RPS6KC1: variants seen among roughly 807,000 people sequenced by gnomAD.
RPS6KC1 encodes the protein inactive ribosomal protein S6 kinase delta-1.
RPS6KC1 carries 54 observed loss-of-function variants against 103.8 expected under a neutral mutation model. That is an observed-to-expected ratio of 0.52 (90% confidence interval 0.42 to 0.65). The LOEUF (loss-of-function observed/expected upper bound fraction) is 0.65. Among genes scored for constraint, RPS6KC1 ranks in the 30% least tolerant of loss-of-function variants. The pLI is 0.00. For missense variants in RPS6KC1, 1,151 were observed against 1,253.8 expected, an observed-to-expected ratio of 0.92 and a Z score of 1.24; for synonymous variants, 439 against 438.7, an observed-to-expected ratio of 1.00 and a Z score of -0.01.
intron 8 of RPS6KC1, among the ~76,000 whole-genome samples, chr1:213,224,887 G>T (rs1272868294): frequency 6.6e-6 from 1 of 152,172 alleles, no homozygotes; most frequent in Non-Finnish European, 1.5e-5. Flanking sequence ...ATTAAGAAAT[G>T]ACTTTAAATG....
chr1:213,407,949 C>T, the RPS6KC1 span, among the ~76,000 whole-genome samples: 1 of 152,150 alleles, frequency 6.6e-6, no homozygotes, highest in Non-Finnish European at 1.5e-5. Flanking sequence ...TACAGCCTGA[C>T]ACATAATAGA....
At chr1:213,715,259 G>T in the RPS6KC1 span, among the ~76,000 whole-genome samples, 1 of 152,148 alleles carries the variant, frequency 6.6e-6, no homozygotes, top group Non-Finnish European at 1.5e-5. Context: ...TTATAAGGAT[G>T]GCAAATCTCT....
chr1:213,739,688 T>C, the RPS6KC1 span, among the ~76,000 whole-genome samples: 1 of 152,142 alleles, frequency 6.6e-6, no homozygotes, highest in African/African-American at 2.4e-5. Flanking sequence ...CACTTCTTAC[T>C]CAGAAGCACT....
intron 3 of RPS6KC1, among the ~76,000 whole-genome samples, chr1:213,081,396 C>T (rs899075231): frequency 9.9e-5 from 15 of 152,062 alleles, no homozygotes; most frequent in Admixed American, 2.0e-4. Context: ...GTTTAGTTCA[C>T]GGGAACTAAG....
At chr1:213,478,805 G>T in the RPS6KC1 span, among the ~76,000 whole-genome samples, 94,261 of 151,810 alleles carry the variant, frequency 0.62, 29,638 homozygotes, top group East Asian at 0.86. Flanking sequence ...CAGATTTGGT[G>T]TTTAAAGGAT....
At chr1:213,455,724 T>C in the RPS6KC1 span, among the ~76,000 whole-genome samples, 1 of 152,202 alleles carries the variant, frequency 6.6e-6, no homozygotes, top group African/African-American at 2.4e-5. Context: ...AGCCATGGAA[T>C]ATAAGCTACA....
the RPS6KC1 span, among the ~76,000 whole-genome samples, chr1:213,392,802 C>T: frequency 6.6e-6 from 1 of 152,218 alleles, no homozygotes; most frequent in East Asian, 1.9e-4. Context: ...ATGCATCTTC[C>T]AGAGCCTGGA....
chr1:213,492,160 G>A, the RPS6KC1 span: 2 of 152,358 alleles, frequency 1.3e-5, no homozygotes, highest in East Asian at 1.9e-4. Context: ...GGAGGCACGC[G>A]GAGGAGAGCG....
At chr1:213,501,944 C>T in the RPS6KC1 span, among the ~76,000 whole-genome samples, 1 of 152,116 alleles carries the variant, frequency 6.6e-6, no homozygotes, top group African/African-American at 2.4e-5. Flanking sequence ...GAAATGTGGA[C>T]TCCCTCCATC....
the RPS6KC1 span, among the ~76,000 whole-genome samples, chr1:213,515,497 C>T: frequency 6.6e-6 from 1 of 152,176 alleles, no homozygotes; most frequent in Non-Finnish European, 1.5e-5. Flanking sequence ...ATCCTTTCCC[C>T]ATTTCTTGTT....
intron 8 of RPS6KC1, among the ~76,000 whole-genome samples, chr1:213,223,461 T>C (rs2093885134): frequency 6.6e-6 from 1 of 152,200 alleles, no homozygotes; most frequent in African/African-American, 2.4e-5. Context: ...ACATGATATT[T>C]GGTTTTCCAT....
intron 6 of RPS6KC1, among the ~76,000 whole-genome samples, chr1:213,160,517 C>T (rs960489536): frequency 6.6e-6 from 1 of 152,166 alleles, no homozygotes; most frequent in African/African-American, 2.4e-5. Context: ...GATACTTTCC[C>T]TGACATGCAT....
At chr1:213,167,690 ATAGT>A (rs2091110166) in intron 6 of RPS6KC1, among the ~76,000 whole-genome samples, 164 bp from the exon 7 acceptor site, 1 of 152,214 alleles carries the variant, frequency 6.6e-6, no homozygotes, top group African/African-American at 2.4e-5. Context: ...ATGGGGGGTA[ATAGT>A]TAGACTTGGT....
chr1:213,260,775 G>C (rs963150606), intron 12 of RPS6KC1, among the ~76,000 whole-genome samples: 19 of 137,682 alleles, frequency 1.4e-4, no homozygotes, highest in African/African-American at 5.1e-4. Context: ...AAAAAAAAAA[G>C]GTGAAATGAG....
chr1:213,177,049 T>G (rs2091921236), intron 8 of RPS6KC1, among the ~76,000 whole-genome samples: 1 of 152,190 alleles, frequency 6.6e-6, no homozygotes, highest in African/African-American at 2.4e-5. Flanking sequence ...CATTACTTTT[T>G]TTGACTCAAA....
At chr1:213,396,224 G>A in the RPS6KC1 span, among the ~76,000 whole-genome samples, 23 of 152,216 alleles carry the variant, frequency 1.5e-4, no homozygotes, top group African/African-American at 4.3e-4. Context: ...CCCTAGTGCC[G>A]TCAAGGGGAG....
chr1:213,851,612 T>G, the RPS6KC1 span, among the ~76,000 whole-genome samples: 78 of 152,312 alleles, frequency 5.1e-4, no homozygotes, highest in Non-Finnish European at 9.7e-4. Context: ...CTGACTCCAG[T>G]GTTCTCATTT....
chr1:213,725,909 C>T, the RPS6KC1 span, among the ~76,000 whole-genome samples: 14 of 152,128 alleles, frequency 9.2e-5, no homozygotes, highest in Non-Finnish European at 8.8e-5. Flanking sequence ...ATTTGTGACT[C>T]ACTCTTTTAC....
the RPS6KC1 span, among the ~76,000 whole-genome samples, chr1:213,552,367 C>G: frequency 6.6e-6 from 1 of 152,210 alleles, no homozygotes; most frequent in Admixed American, 6.5e-5. Flanking sequence ...TGCTTCACAT[C>G]CTTGCCAGCA....
Sources: allele counts gnomAD v4.1 joint callset (sites outside exome capture counted in the v4.1 genomes callset), GRCh38; gene constraint gnomAD v4.1.1; transcripts MANE v1.5; gene names NCBI Gene and HGNC (gene_info 2026-07-23, HGNC 2026-07-21).